LRMDA: variants seen among roughly 807,000 people sequenced by gnomAD.
The protein encoded by LRMDA is leucine rich melanocyte differentiation associated, also known as leucine-rich melanocyte differentiation-associated protein.
Under a neutral mutation model 29.8 loss-of-function variants are expected in LRMDA, and 18 were observed. The observed-to-expected ratio is 0.60, with a 90% confidence interval of 0.42 to 0.90. LRMDA has a LOEUF of 0.90. Ranked by LOEUF, LRMDA falls within the 40% of genes least tolerant of loss-of-function variation. The pLI, the probability that LRMDA is intolerant of heterozygous loss-of-function variation, is 0.00. For missense variants in LRMDA, 273 were observed against 273.9 expected (o/e 1.00, Z 0.02); for synonymous variants, 125 against 109.4 (o/e 1.14, Z -0.89).
chr10:75,968,558 C>A (rs566824712), intron 2 of LRMDA, among the ~76,000 whole-genome samples: 1 of 152,078 alleles, frequency 6.6e-6, no homozygotes. Context: ...AGGGGCTTGC[C>A]GGATACTTTC....
rs560999429 is a variant in LRMDA, at chr10:76,296,505, C to T, written c.517-27896C>T. Reference sequence around the variant, plus strand: ...CCCAACTATTTAATGTTTTTAACGGCATAATGTGTTAATAGCCATACAGCT... The same window carrying T: ...CCCAACTATTTAATGTTTTTAACGGTATAATGTGTTAATAGCCATACAGCT... On this transcript the variant is annotated intron_variant, in intron 5 of 6. Transcript: ENST00000611255. Among the ~76,000 whole-genome samples, 13 of 152,336 alleles carry T rather than the reference C, an allele frequency of 8.5e-5. No individual in the cohort carries two copies. The South Asian group carries it at 2.3e-3, about 27-fold the overall frequency.
intron 6 of LRMDA, among the ~76,000 whole-genome samples, chr10:76,488,617 A>G (rs1032900990): frequency 1.3e-5 from 2 of 151,916 alleles, no homozygotes; most frequent in African/African-American, 4.8e-5. Flanking sequence ...TAAAGCAGCC[A>G]TGAATATTAG....
At chr10:75,902,497 C>T (rs937547593) in intron 2 of LRMDA, among the ~76,000 whole-genome samples, 8 of 81,152 alleles carry the variant, frequency 9.9e-5, no homozygotes, top group Admixed American at 1.4e-4. Flanking sequence ...ATATTCTTTG[C>T]TTTGGGGTAT....
chr10:75,551,429 C>G (rs1840145562), intron 2 of LRMDA, among the ~76,000 whole-genome samples: 1 of 152,036 alleles, frequency 6.6e-6, no homozygotes, highest in Non-Finnish European at 1.5e-5. Context: ...TGGTTTGCTG[C>G]ACTCATTAAC....
chr10:76,306,373 G>A lies in LRMDA; in HGVS notation c.517-18028G>A, dbSNP rs576778390. Among the ~76,000 whole-genome samples, 14 of 152,354 alleles carry A rather than the reference G, an allele frequency of 9.2e-5. 1 individual carries two copies. In the South Asian group the frequency reaches 2.7e-3, roughly 29 times the overall value. On this transcript the variant is annotated intron_variant, in intron 5 of 6. Transcript: ENST00000611255. ...TCCCCCTTTGGTTGCTATAGTGGGT[G>A]CTGTTGAATTGCTAAGCAGAGAATC... is the stretch of plus-strand genomic sequence containing the variant.
At chr10:76,218,569 A>T (rs1009782353) in intron 5 of LRMDA, among the ~76,000 whole-genome samples, 2 of 152,212 alleles carry the variant, frequency 1.3e-5, no homozygotes, top group Non-Finnish European at 2.9e-5. Flanking sequence ...ACTTACAGAT[A>T]TCCAAGAGGC....
intron 2 of LRMDA, among the ~76,000 whole-genome samples, chr10:75,622,284 T>C (rs1350609927): frequency 6.7e-6 from 1 of 148,256 alleles, no homozygotes; most frequent in Non-Finnish European, 1.5e-5. Flanking sequence ...AAATTAATGG[T>C]GTTTTATAAT....
At chr10:75,666,454 A>G (rs1841823744) in intron 2 of LRMDA, among the ~76,000 whole-genome samples, 1 of 152,016 alleles carries the variant, frequency 6.6e-6, no homozygotes, top group South Asian at 2.1e-4. Context: ...CTGAAAAAAT[A>G]TCTGAATTGC....
chr10:76,480,932 C>T (rs1006860416), intron 6 of LRMDA, among the ~76,000 whole-genome samples: 1 of 151,856 alleles, frequency 6.6e-6, no homozygotes, highest in Admixed American at 6.6e-5. Context: ...GGGACAGCGA[C>T]TCAATGGTAT....
chr10:76,030,516 G>A (rs1289241403), intron 2 of LRMDA, among the ~76,000 whole-genome samples: 4 of 152,140 alleles, frequency 2.6e-5, no homozygotes, highest in Admixed American at 6.6e-5. Flanking sequence ...AAATGTATAG[G>A]TATAAAAATG....
At chr10:75,521,383 T>G (rs929513720) in intron 2 of LRMDA, among the ~76,000 whole-genome samples, 3 of 152,236 alleles carry the variant, frequency 2.0e-5, no homozygotes, top group Non-Finnish European at 4.4e-5. Context: ...ACTTCCCAGC[T>G]GCTTTGTTTA....
intron 2 of LRMDA, among the ~76,000 whole-genome samples, chr10:75,951,162 A>G (rs908445979): frequency 1.1e-4 from 17 of 152,236 alleles, no homozygotes; most frequent in African/African-American, 4.1e-4. Flanking sequence ...GAAAGCTGAC[A>G]TTGTCCTTTC....
intron 2 of LRMDA, among the ~76,000 whole-genome samples, chr10:75,449,645 T>A (rs2132030220): frequency 6.6e-6 from 1 of 152,244 alleles, no homozygotes; most frequent in African/African-American, 2.4e-5. Flanking sequence ...TATATAGCAT[T>A]TCCTGCTCTC....
intron 2 of LRMDA, among the ~76,000 whole-genome samples, chr10:75,852,927 A>G (rs767169038): frequency 3.3e-5 from 5 of 152,212 alleles, no homozygotes; most frequent in Admixed American, 6.5e-5. Flanking sequence ...AGACCTCAGG[A>G]AACTTACAAT....
At chr10:76,484,875 C>T (rs1430747334) in intron 6 of LRMDA, among the ~76,000 whole-genome samples, 1 of 151,806 alleles carries the variant, frequency 6.6e-6, no homozygotes, top group Non-Finnish European at 1.5e-5. Context: ...GGAGAATTCA[C>T]TCTTTTACCA....
intron 2 of LRMDA, among the ~76,000 whole-genome samples, chr10:75,986,349 T>A (rs1847261939): frequency 6.6e-6 from 1 of 152,230 alleles, no homozygotes; most frequent in South Asian, 2.1e-4. Context: ...AATACCAGGA[T>A]TGACTTAGGT....
intron 2 of LRMDA, among the ~76,000 whole-genome samples, chr10:75,736,605 C>G (rs1266701091): frequency 1.3e-5 from 2 of 152,148 alleles, no homozygotes; most frequent in Non-Finnish European, 2.9e-5. Flanking sequence ...ATAATTAGAA[C>G]CTCTTGCCAG....
At chr10:75,734,833 C>G (rs1332909841) in intron 2 of LRMDA, among the ~76,000 whole-genome samples, 1 of 152,184 alleles carries the variant, frequency 6.6e-6, no homozygotes, top group Admixed American at 6.5e-5. Context: ...AGACATGTAT[C>G]AAGCATTTTT....
chr10:75,667,913 C>A (rs1439155124), intron 2 of LRMDA, among the ~76,000 whole-genome samples: 1 of 152,220 alleles, frequency 6.6e-6, no homozygotes, highest in Non-Finnish European at 1.5e-5. Flanking sequence ...TTTGAATCAA[C>A]AATTTGGAAG....
Sources: allele counts gnomAD v4.1 joint callset (sites outside exome capture counted in the v4.1 genomes callset), GRCh38; gene constraint gnomAD v4.1.1; transcripts MANE v1.5; gene names NCBI Gene and HGNC (gene_info 2026-07-23, HGNC 2026-07-21).